Variants in ATM observed in about 807,000 individuals in gnomAD.
The protein encoded by ATM is ATM serine/threonine kinase.
In ATM, 308 loss-of-function variants were observed where a neutral mutation model predicts 387.0. The observed-to-expected ratio is 0.80, with a 90% CI of 0.73 to 0.87. ATM has a LOEUF of 0.87. Among genes scored for constraint, ATM ranks in the 40% least tolerant of loss-of-function variants. The probability of loss-of-function intolerance (pLI) is 0.00; values close to 1 mark genes in which losing one functional copy is unlikely to be tolerated. For missense variants in ATM, 3,312 were observed against 3,560.9 expected, an observed-to-expected ratio of 0.93 and a Z score of 1.78; for synonymous variants, 1,156 against 1,187.3, an observed-to-expected ratio of 0.97 and a Z score of 0.54.
Position 108,292,596 on chromosome 11 carries a change from G to GA in ATM, c.4437-23_4437-22insA, listed in dbSNP as rs1555099684. ...TTTCCAGAACTTACTGGTTGTTGTT[G>GA]TTTTTTTTTCTCCCTATATTAGGCC... On this transcript the variant is annotated intron_variant, in intron 29 of 62. Transcript: ENST00000675843. The GA allele has an allele frequency of 1.9e-6, 3 of 1,568,038 alleles. No individual in the cohort carries two copies. In the Admixed American group the frequency reaches 5.1e-5, roughly 27 times the overall value.
chr11:108,271,564 T>G (rs1442005261), intron 20 of ATM, among the ~76,000 whole-genome samples, 158 bp downstream of exon 20: 1 of 152,264 alleles, frequency 6.6e-6, no homozygotes, highest in East Asian at 1.9e-4. Context: ...CTCAGTCGCT[T>G]GAAGAACTAC....
At chr11:108,342,990 T>C (rs2087774024) in intron 56 of ATM, among the ~76,000 whole-genome samples, 1 of 152,166 alleles carries the variant, frequency 6.6e-6, no homozygotes, top group South Asian at 2.1e-4. Flanking sequence ...ATCGTGGGGA[T>C]TGAGTGATGG....
chr11:108,241,975 C>T (rs1387748331), intron 5 of ATM, among the ~76,000 whole-genome samples: 1 of 151,766 alleles, frequency 6.6e-6, no homozygotes, highest in Non-Finnish European at 1.5e-5. Flanking sequence ...TGAACTCAGC[C>T]TCCCAAAGTG....
At chr11:108,331,421 TTG>T in intron 50 of ATM, 21 bp from the exon 51 acceptor site, 1 of 1,609,462 alleles carries the variant, frequency 6.2e-7, no homozygotes, top group African/African-American at 1.3e-5. Flanking sequence ...TTTCTTAATT[TTG>T]TGTCTTTTTT....
chr11:108,236,047 AT>A, intron 5 of ATM: 4 of 578,256 alleles, frequency 6.9e-6, no homozygotes, highest in South Asian at 4.0e-5. Flanking sequence ...GGTGCCTGAT[AT>A]CAGAGCCGGA....
chr11:108,311,817 G>A (rs2084188313), intron 39 of ATM, among the ~76,000 whole-genome samples: 1 of 152,114 alleles, frequency 6.6e-6, no homozygotes, highest in African/African-American at 2.4e-5. Context: ...AGACACCACA[G>A]CTGTCATGGT....
intron 40 of ATM, 107 bp from the exon 41 acceptor site, chr11:108,315,716 A>G: frequency 2.5e-6 from 2 of 786,726 alleles, no homozygotes; most frequent in South Asian, 3.0e-5. Context: ...ATAACATAAC[A>G]TTTAGAGTTG....
At chr11:108,224,421 T>C (rs575409306) in intron 1 of ATM, 6 of 152,352 alleles carry the variant, frequency 3.9e-5, no homozygotes, top group South Asian at 2.1e-4. Context: ...CAGAGGCTCG[T>C]AGGAAGTAGG....
At chr11:108,294,894 C>G (rs374703899) in intron 31 of ATM, 33 bp from the exon 32 acceptor site, 2 of 1,610,986 alleles carry the variant, frequency 1.2e-6, no homozygotes, top group Non-Finnish European at 8.5e-7. Flanking sequence ...TTAACCAATA[C>G]GTGTTAAAAG....
At chr11:108,233,393 G>C (rs1360155599) in intron 4 of ATM, among the ~76,000 whole-genome samples, 2 of 151,812 alleles carry the variant, frequency 1.3e-5, no homozygotes, top group Non-Finnish European at 2.9e-5. Context: ...AACATGGTGA[G>C]ACCTCATCTC....
At chr11:108,321,537 CTTT>C in intron 45 of ATM, 117 bp downstream of exon 45, 1 of 1,452,022 alleles carries the variant, frequency 6.9e-7, no homozygotes, top group Admixed American at 1.7e-5. Context: ...AATCCTAGCA[CTTT>C]AGAAGGCTGA....
At position 108,227,818 on chromosome 11, in the gene ATM, A is replaced by G. The variant is rs779297339; in HGVS notation, c.115A>G (p.Thr39Ala). Residue 39 changes from threonine to alanine, a missense_variant, in exon 3 of 63, where the codon ACA becomes GCA. Physicochemically the swap from Thr to Ala is moderately conservative, Grantham distance 58. Transcript: ENST00000675843. ...TAAGCGCCTGATTCGAGATCCTGAA[A>G]CAATTAAACATCTAGATCGGCATTC... ...KFKRLIRDPE[T>A]IKHLDRHSDS... The G allele has an allele frequency of 3.7e-5, 59 of 1,613,678 alleles. No homozygotes were observed. Among genetic ancestry groups the G allele is most frequent in the Non-Finnish European group, 4.7e-5 (56 of 1,179,880 alleles).
At chr11:108,279,465 T>G in intron 22 of ATM, 26 bp from the exon 23 acceptor site, 1 of 1,496,924 alleles carries the variant, frequency 6.7e-7, no homozygotes, top group Non-Finnish European at 9.2e-7. Context: ...CACTTTTTGT[T>G]TGTTTGTTTG....
At chr11:108,345,631 T>C (rs1008297128) in intron 57 of ATM, 112 bp from the exon 58 acceptor site, 3 of 846,510 alleles carry the variant, frequency 3.5e-6, no homozygotes, top group African/African-American at 1.7e-5. Flanking sequence ...AGGTAATGTA[T>C]CCTGTTCATC....
intron 16 of ATM, among the ~76,000 whole-genome samples, chr11:108,260,777 G>C (rs1206975955): frequency 6.6e-6 from 1 of 152,200 alleles, no homozygotes; most frequent in Non-Finnish European, 1.5e-5. Flanking sequence ...AGGTCAGTGG[G>C]TGTGCGCACC....
rs1459998980 is a variant in ATM at position 108,292,733 on chromosome 11, T to A, written c.4551T>A (p.Leu1517=). The A allele has an allele frequency of 1.2e-6, 2 of 1,613,956 alleles. No homozygotes were observed. The highest frequency in any genetic ancestry group is 1.7e-6 in the Non-Finnish European group (2 of 1,179,984). ...TYCKDALENH[L]HVIVGTLIPL... ...GTAAGGATGCTCTAGAAAACCATCT[T>A]CATGTTATTGTTGGTACACTTATAC... Residue 1517 remains leucine, a synonymous_variant, in exon 30 of 63, where the codon CTT becomes CTA. Transcript: ENST00000675843.
chr11:108,228,885 A>G (rs1270007737), intron 3 of ATM, among the ~76,000 whole-genome samples: 1 of 152,228 alleles, frequency 6.6e-6, no homozygotes, highest in Non-Finnish European at 1.5e-5. Context: ...GAGAGGATTG[A>G]GAGGGTCCTT....
intron 29 of ATM, chr11:108,290,043 G>C: frequency 2.4e-6 from 1 of 414,274 alleles, no homozygotes; most frequent in African/African-American, 2.0e-5. Context: ...GTTTTTTGTA[G>C]AGGTGGGGTT....
rs1491290232 is a variant in ATM, at chr11:108,354,069, A to AC, written c.8786+189_8786+190insC. ...TGTATCTAAAAAAATACACACACACAAACACACACACACACACACACACAC... is the reference window on the plus strand; with the variant it reads ...TGTATCTAAAAAAATACACACACACACAACACACACACACACACACACACAC... On this transcript the variant is annotated intron_variant, in intron 60 of 62. Coordinates refer to ENST00000675843, the MANE Select transcript of ATM (RefSeq NM_000051.4). 0.22 allele frequency among the ~76,000 whole-genome samples: 17,049 copies of AC among 76,368 alleles called. 1,145 individuals are homozygous for AC. Among genetic ancestry groups the AC allele is most frequent in the Middle Eastern group, 0.32 (26 of 82 alleles). 50.1% of individuals were successfully genotyped at this position (76,368 alleles called of 152,430 possible). A position where few individuals can be genotyped will look rare whatever the true frequency, so the allele number is the denominator to read the frequency against.
Sources: gnomAD v4.1 joint callset for allele counts (sites outside exome capture counted in the v4.1 genomes callset) on GRCh38, gnomAD v4.1.1 for gene constraint, MANE v1.5 for transcripts, NCBI Gene and HGNC (gene_info 2026-07-23, HGNC 2026-07-21) for gene names.